Variants in RUNX2 observed in about 807,000 individuals in gnomAD.
RUNX2 encodes RUNX family transcription factor 2.
RUNX2 carries 10 observed loss-of-function variants against 51.7 expected under a neutral mutation model. The ratio of observed to expected loss-of-function variants is 0.19; its 90% CI spans 0.12 to 0.33. The LOEUF (loss-of-function observed/expected upper bound fraction) is 0.33. Among genes scored for constraint, RUNX2 ranks in the 10% least tolerant of loss-of-function variants. RUNX2 has a pLI of 1.00. For missense variants in RUNX2, 562 were observed against 691.3 expected, an observed-to-expected ratio of 0.81 and a Z score of 2.10; for synonymous variants, 276 against 273.6, an observed-to-expected ratio of 1.01 and a Z score of -0.09.
chr6:45,485,786 A>G (rs1800267452), intron 5 of RUNX2, among the ~76,000 whole-genome samples: 1 of 149,338 alleles, frequency 6.7e-6, no homozygotes. Flanking sequence ...TCTTCCAGCT[A>G]ACTTTCCTTG....
At chr6:45,367,319 T>C (rs1348194155) in intron 2 of RUNX2, among the ~76,000 whole-genome samples, 3 of 152,066 alleles carry the variant, frequency 2.0e-5, no homozygotes, top group South Asian at 2.1e-4. Context: ...TTCTAAAACA[T>C]ATGAAGAACA....
chr6:45,410,287 T>C (rs556981056), intron 2 of RUNX2, among the ~76,000 whole-genome samples: 21 of 152,260 alleles, frequency 1.4e-4, no homozygotes, highest in African/African-American at 4.8e-4. Context: ...TAGGAGTCCA[T>C]TGTAGTTGAA....
At chr6:45,424,996 A>G (rs1798345508) in intron 3 of RUNX2, among the ~76,000 whole-genome samples, 1 of 152,274 alleles carries the variant, frequency 6.6e-6, no homozygotes, top group South Asian at 2.1e-4. Flanking sequence ...GAATTTTTAA[A>G]TTAGTCTTAT....
At chr6:45,369,523 C>G (rs921359015) in intron 2 of RUNX2, among the ~76,000 whole-genome samples, 3 of 152,086 alleles carry the variant, frequency 2.0e-5, no homozygotes, top group African/African-American at 7.2e-5. Flanking sequence ...CTTCTACTTC[C>G]AGAGAAATAA....
At chr6:45,391,194 G>T (rs1797461465) in intron 2 of RUNX2, among the ~76,000 whole-genome samples, 1 of 152,160 alleles carries the variant, frequency 6.6e-6, no homozygotes, top group Non-Finnish European at 1.5e-5. Context: ...CAAAGTTGGA[G>T]CTGGGGCCTG....
intron 3 of RUNX2, among the ~76,000 whole-genome samples, chr6:45,430,741 TA>T (rs1477158405): frequency 1.3e-5 from 2 of 152,034 alleles, no homozygotes; most frequent in Non-Finnish European, 2.9e-5. Context: ...CACACAGGGG[TA>T]TTATTGTCAG....
At chr6:45,485,022 A>G (rs995451920) in intron 5 of RUNX2, among the ~76,000 whole-genome samples, 2 of 152,098 alleles carry the variant, frequency 1.3e-5, no homozygotes, top group Non-Finnish European at 2.9e-5. Flanking sequence ...AGAGTATTGG[A>G]CCAGACTTTA....
chr6:45,496,412 TGTC>T (rs1800649537), intron 6 of RUNX2, among the ~76,000 whole-genome samples: 1 of 152,194 alleles, frequency 6.6e-6, no homozygotes, highest in East Asian at 1.9e-4. Flanking sequence ...TATATTTTAG[TGTC>T]AGACACAGTC....
At chr6:45,352,797 ATTAC>A (rs1361399686) in intron 2 of RUNX2, among the ~76,000 whole-genome samples, 2 of 152,100 alleles carry the variant, frequency 1.3e-5, no homozygotes, top group Non-Finnish European at 2.9e-5. Context: ...TTTATTCTTT[ATTAC>A]TTATATTGCA....
At chr6:45,485,673 A>G (rs200800855) in intron 5 of RUNX2, among the ~76,000 whole-genome samples, 3,436 of 123,576 alleles carry the variant, frequency 0.028, 186 homozygotes, top group East Asian at 0.11. Flanking sequence ...ATGGATATGT[A>G]TGTGTGTGTG....
rs575828190 is a variant in RUNX2, at chr6:45,492,631, T to C, written c.859+517T>C. ...ACAGAATTCACTTCTGATTTACATT[T>C]AGCTCTGGTTCTCCATTAGACATTT... On this transcript the variant is annotated intron_variant, in intron 6 of 8. Transcript: ENST00000647337. Among the ~76,000 whole-genome samples, 3 of 152,354 alleles carry C rather than the reference T, an allele frequency of 2.0e-5. No individual in the cohort carries two copies. In the South Asian group the frequency reaches 6.2e-4, roughly 32 times the overall value.
chr6:45,541,825 AC>A (rs1475717387), intron 7 of RUNX2, among the ~76,000 whole-genome samples: 1 of 152,168 alleles, frequency 6.6e-6, no homozygotes, highest in East Asian at 1.9e-4. Flanking sequence ...AATGGCAAGT[AC>A]CCGGTCTGTT....
chr6:45,425,669 A>C (rs1455208061), intron 3 of RUNX2, among the ~76,000 whole-genome samples: 2 of 152,228 alleles, frequency 1.3e-5, no homozygotes, highest in African/African-American at 4.8e-5. Context: ...AGATTGTGAC[A>C]ACCTCTCTTT....
At chr6:45,495,038 A>G (rs1249145421) in intron 6 of RUNX2, among the ~76,000 whole-genome samples, 1 of 152,192 alleles carries the variant, frequency 6.6e-6, no homozygotes, top group Non-Finnish European at 1.5e-5. Flanking sequence ...TGCTGACAAG[A>G]TTCCACCCAT....
At chr6:45,485,421 C>T (rs1256411505) in intron 5 of RUNX2, among the ~76,000 whole-genome samples, 3 of 151,404 alleles carry the variant, frequency 2.0e-5, no homozygotes, top group South Asian at 2.1e-4. Flanking sequence ...AGGCTGGTCT[C>T]GAACTCCCGA....
At position 45,328,687 on chromosome 6, in the gene RUNX2, C is replaced by T. The variant is rs886061492; in HGVS notation, c.-40C>T. 14 of 1,611,446 alleles carry T rather than the reference C, an allele frequency of 8.7e-6. No individual in the cohort carries two copies. Among genetic ancestry groups the T allele is most frequent in the Non-Finnish European group, 1.0e-5 (12 of 1,178,346 alleles). Reference sequence around the variant, plus strand: ...TTAAGGCTGCAAGCAGTATTTACAACAGAGGGTACAAGTTCTATCTGAAAA... The same window carrying T: ...TTAAGGCTGCAAGCAGTATTTACAATAGAGGGTACAAGTTCTATCTGAAAA... On this transcript the variant is annotated 5_prime_UTR_variant, in exon 2 of 9. Coordinates refer to ENST00000647337, the MANE Select transcript of RUNX2 (RefSeq NM_001024630.4).
At chr6:45,354,946 G>A (rs574882688) in intron 2 of RUNX2, among the ~76,000 whole-genome samples, 5 of 152,116 alleles carry the variant, frequency 3.3e-5, no homozygotes, top group East Asian at 1.9e-4. Context: ...GAAAGAAACT[G>A]GAAAGATAAA....
At chr6:45,471,716 C>T (rs1163165731) in intron 5 of RUNX2, among the ~76,000 whole-genome samples, 3 of 152,120 alleles carry the variant, frequency 2.0e-5, no homozygotes, top group Non-Finnish European at 2.9e-5. Context: ...GGATTACAGG[C>T]GTGAGCCACC....
rs62400361 is a variant in RUNX2, at chr6:45,476,990, G to A, written c.686-14951G>A. Among the ~76,000 whole-genome samples the A allele has an allele frequency of 2.2e-3, 336 of 152,272 alleles. 1 individual carries two copies. The highest frequency in any genetic ancestry group is 3.6e-3 in the Non-Finnish European group (242 of 68,024). ...GGATTGATGAGGCTGCATGAGGAAT[G>A]GGTATGGAATGAATGAAGGAGAGTT... On this transcript the variant is annotated intron_variant, in intron 5 of 8. Transcript: ENST00000647337.
Sources: allele counts gnomAD v4.1 joint callset (sites outside exome capture counted in the v4.1 genomes callset), GRCh38; gene constraint gnomAD v4.1.1; transcripts MANE v1.5; gene names NCBI Gene and HGNC (gene_info 2026-07-23, HGNC 2026-07-21).